PARD6G: variants seen among roughly 807,000 people sequenced by gnomAD.
PARD6G encodes par-6 family cell polarity regulator gamma.
PARD6G carries 7 observed loss-of-function variants against 10.7 expected under a neutral mutation model. The ratio of observed to expected loss-of-function variants is 0.66; its 90% confidence interval spans 0.37 to 1.23. PARD6G has a LOEUF of 1.23. PARD6G is among the 50% of genes most tolerant of loss of function. The pLI is 0.02. For missense variants in PARD6G, 548 were observed against 571.8 expected (o/e 0.96, Z 0.42); for synonymous variants, 287 against 269.4 (o/e 1.07, Z -0.64).
intron 1 of PARD6G, among the ~76,000 whole-genome samples, chr18:80,216,522 G>A (rs1162825812): frequency 6.6e-6 from 1 of 151,756 alleles, no homozygotes; most frequent in Non-Finnish European, 1.5e-5. Flanking sequence ...AATAACCTAT[G>A]GAATTAAAAA....
At chr18:80,203,543 T>C (rs1277067661) in intron 1 of PARD6G, among the ~76,000 whole-genome samples, 2 of 152,134 alleles carry the variant, frequency 1.3e-5, no homozygotes, top group African/African-American at 4.8e-5. Context: ...GTGTAGCTCA[T>C]GTTGTAGGAA....
At chr18:80,244,939 A>G (rs1021197308) in intron 1 of PARD6G, among the ~76,000 whole-genome samples, 2 of 152,174 alleles carry the variant, frequency 1.3e-5, no homozygotes, top group Non-Finnish European at 2.9e-5. Flanking sequence ...CAGCAAGTTC[A>G]GCCCCATCAC....
At chr18:80,234,368 G>C (rs913683879) in intron 1 of PARD6G, among the ~76,000 whole-genome samples, 1 of 152,124 alleles carries the variant, frequency 6.6e-6, no homozygotes, top group African/African-American at 2.4e-5. Flanking sequence ...GGTTGTGAAA[G>C]CCCTTCACAC....
At chr18:80,164,350 C>T (rs116888828) in intron 2 of PARD6G, among the ~76,000 whole-genome samples, 1,543 of 152,314 alleles carry the variant, frequency 0.01, 13 homozygotes, top group Non-Finnish European at 0.018. Context: ...ACTGCAAATC[C>T]CTCCCCTGCA....
chr18:80,242,893 AAGG>A, intron 1 of PARD6G, among the ~76,000 whole-genome samples: 1 of 152,190 alleles, frequency 6.6e-6, no homozygotes, highest in Non-Finnish European at 1.5e-5. Flanking sequence ...CCAGCGCTAG[AAGG>A]AGGAAAGAAG....
intron 1 of PARD6G, among the ~76,000 whole-genome samples, chr18:80,225,555 TC>T (rs1256643002): frequency 6.6e-6 from 1 of 152,206 alleles, no homozygotes; most frequent in Middle Eastern, 3.4e-3. Flanking sequence ...CCAGCTCACC[TC>T]CCCCTTCAGG....
chr18:80,172,384 T>TC (rs1470408289), intron 2 of PARD6G, among the ~76,000 whole-genome samples: 36 of 151,534 alleles, frequency 2.4e-4, no homozygotes, highest in Non-Finnish European at 4.3e-4. Context: ...TATGTCTTTT[T>TC]TTTTTTTTTT....
chr18:80,209,039 G>A (rs1967081904), intron 1 of PARD6G, among the ~76,000 whole-genome samples: 1 of 152,014 alleles, frequency 6.6e-6, no homozygotes, highest in African/African-American at 2.4e-5. Context: ...GGCAGAGGGT[G>A]CAGTGAGCCA....
At chr18:80,171,048 TTCTC>T (rs1410342155) in intron 2 of PARD6G, 15 of 152,162 alleles carry the variant, frequency 9.9e-5, no homozygotes, top group Admixed American at 2.6e-4. Context: ...TCTCTATTAT[TTCTC>T]TCTATTAAAA....
intron 2 of PARD6G, among the ~76,000 whole-genome samples, chr18:80,199,026 C>T (rs1966983934): frequency 6.6e-6 from 1 of 152,240 alleles, no homozygotes; most frequent in Admixed American, 6.5e-5. Context: ...ATTCTCCCCA[C>T]CTCTCAGCCC....
intron 1 of PARD6G, among the ~76,000 whole-genome samples, chr18:80,219,609 C>T (rs1480037152): frequency 6.6e-6 from 1 of 152,166 alleles, no homozygotes; most frequent in Non-Finnish European, 1.5e-5. Flanking sequence ...CCACCAGATA[C>T]CACCCTAAAT....
intron 1 of PARD6G, among the ~76,000 whole-genome samples, chr18:80,215,797 C>G (rs1418561864): frequency 6.6e-6 from 1 of 151,982 alleles, no homozygotes; most frequent in African/African-American, 2.4e-5. Context: ...ATTCAACATT[C>G]TAATAGAAAA....
intron 1 of PARD6G, among the ~76,000 whole-genome samples, chr18:80,243,429 A>G (rs1411811760): frequency 6.6e-6 from 1 of 152,200 alleles, no homozygotes; most frequent in African/African-American, 2.4e-5. Context: ...CAGAGGCAAC[A>G]TTTAACAGTG....
At position 80,157,918 on chromosome 18, in the gene PARD6G, C is replaced by A. The variant is rs778484813; in HGVS notation, c.*1853G>T. 5 of 152,446 alleles carry A rather than the reference C, an allele frequency of 3.3e-5. No individual in the cohort carries two copies. Among genetic ancestry groups the A allele is most frequent in the Middle Eastern group, 3.4e-3 (1 of 294 alleles). 9.4% of individuals were successfully genotyped at this position (152,446 alleles called of 1,614,324 possible). ...TGTTCACGAAGTCAGGACAGTTCTG[C>A]CACTGACCAGCAGGTGGTGCTGGAC... On this transcript the variant is annotated 3_prime_UTR_variant, in exon 3 of 3. Coordinates refer to ENST00000353265, the MANE Select transcript of PARD6G (RefSeq NM_032510.4).
At chr18:80,177,060 TCAC>T (rs1391525319) in intron 2 of PARD6G, among the ~76,000 whole-genome samples, 4 of 114,348 alleles carry the variant, frequency 3.5e-5, no homozygotes, top group African/African-American at 1.4e-4. Context: ...ACAGTATAAA[TCAC>T]AGCCCAAATG....
intron 2 of PARD6G, among the ~76,000 whole-genome samples, chr18:80,179,781 C>T (rs1352694884): frequency 6.6e-6 from 1 of 152,236 alleles, no homozygotes; most frequent in Admixed American, 6.5e-5. Flanking sequence ...CATCACCACA[C>T]GGAGTCCAAG....
chr18:80,177,509 C>T (rs1389335116), intron 2 of PARD6G, among the ~76,000 whole-genome samples: 1 of 139,774 alleles, frequency 7.2e-6, no homozygotes, highest in Non-Finnish European at 1.5e-5. Flanking sequence ...ATGGGAAGCA[C>T]ACATGCATAC....
At chr18:80,204,173 T>C (rs901159194) in intron 1 of PARD6G, among the ~76,000 whole-genome samples, 2 of 152,196 alleles carry the variant, frequency 1.3e-5, no homozygotes, top group African/African-American at 2.4e-5. Flanking sequence ...AGGTGGTACA[T>C]ATACAGTTGA....
At chr18:80,220,848 C>A (rs147875366) in intron 1 of PARD6G, among the ~76,000 whole-genome samples, 2 of 152,084 alleles carry the variant, frequency 1.3e-5, no homozygotes, top group East Asian at 3.9e-4. Context: ...GAACTCCTGA[C>A]CTTCAGTGAT....
Sources: allele counts gnomAD v4.1 joint callset (sites outside exome capture counted in the v4.1 genomes callset), GRCh38; gene constraint gnomAD v4.1.1; transcripts MANE v1.5; gene names NCBI Gene and HGNC (gene_info 2026-07-23, HGNC 2026-07-21).